The following CCDC126 variants were observed in gnomAD, a reference collection of about 807,000 sequenced individuals.
The protein encoded by CCDC126 is coiled-coil domain-containing protein 126.
In CCDC126, 5 loss-of-function variants were observed where a neutral mutation model predicts 11.7. The observed-to-expected ratio is 0.43, with a 90% CI of 0.22 to 0.90. The LOEUF is 0.90. CCDC126 is among the 40% of genes least tolerant of loss of function. CCDC126 has a pLI of 0.27. For synonymous variants in CCDC126, 60 were observed against 61.9 expected (o/e 0.97, Z 0.14); for missense variants, 150 against 163.1 (o/e 0.92, Z 0.44).
chr7:23,609,461 A>G (rs1332511279), intron 2 of CCDC126, among the ~76,000 whole-genome samples: 1 of 152,142 alleles, frequency 6.6e-6, no homozygotes, highest in Non-Finnish European at 1.5e-5. Context: ...GTGAGCCACC[A>G]TGCCTGGACA....
chr7:23,620,856 T>G lies in CCDC126; in HGVS notation c.238+9303T>G, dbSNP rs541198912. ...AGGGAATCCTTTCCCCATTGCTTGT[T>G]TTTGTCAGGTTTGTCAAAGATCAGG... On this transcript the variant is annotated intron_variant, in intron 3 of 3. Coordinates refer to ENST00000307471, the MANE Select transcript of CCDC126 (RefSeq NM_138771.4). 4.3e-3 allele frequency among the ~76,000 whole-genome samples: 652 copies of G among 152,368 alleles called. 7 individuals carry two copies. Among genetic ancestry groups the G allele is most frequent in the African/African-American group, 0.014 (572 of 41,584 alleles).
At position 23,611,004 on chromosome 7, in the gene CCDC126, C is replaced by T. The variant is rs747849781; in HGVS notation, c.-145-167C>T. Among the ~76,000 whole-genome samples the T allele has an allele frequency of 8.5e-5, 13 of 152,136 alleles. No homozygotes were observed. The East Asian group carries it at 2.1e-3, about 25-fold the overall frequency. ...TTCTAGTTTAAACTTTGAAAAGATA[C>T]GTAAGTGAGACTGATAAAAGACTAG... On this transcript the variant is annotated intron_variant, in intron 2 of 3. Coordinates refer to ENST00000307471, the MANE Select transcript of CCDC126 (RefSeq NM_138771.4).
intron 3 of CCDC126, among the ~76,000 whole-genome samples, chr7:23,625,823 T>A (rs1457590165): frequency 3.3e-5 from 5 of 151,064 alleles, no homozygotes; most frequent in Non-Finnish European, 7.4e-5. Flanking sequence ...GCCCAGCTAA[T>A]TTTTTTTGTA....
Position 23,644,301 on chromosome 7 carries a change from A to G in CCDC126, c.*1186A>G, listed in dbSNP as rs1584225223. 6.6e-6 allele frequency: 1 copy of G among 152,526 alleles called. No homozygotes were observed. Among genetic ancestry groups the G allele is most frequent in the East Asian group, 1.9e-4 (1 of 5,202 alleles). 9.4% of individuals were successfully genotyped at this position (152,526 alleles called of 1,614,324 possible). A position where few individuals can be genotyped will look rare whatever the true frequency, so the allele number is the denominator to read the frequency against. On this transcript the variant is annotated 3_prime_UTR_variant, in exon 4 of 4. Transcript: ENST00000307471. Reference sequence around the variant, plus strand: ...TCTTGGGTAATTCTAGTATAAAACAAATTATACTTTTATTTAAATTTCCCT... The same window carrying G: ...TCTTGGGTAATTCTAGTATAAAACAGATTATACTTTTATTTAAATTTCCCT...
intron 3 of CCDC126, among the ~76,000 whole-genome samples, chr7:23,642,100 C>T (rs898920286): frequency 1.3e-5 from 2 of 152,174 alleles, no homozygotes; most frequent in African/African-American, 4.8e-5. Context: ...CAAGCTCTGC[C>T]TCCCCGGTTC....
intron 3 of CCDC126, among the ~76,000 whole-genome samples, chr7:23,630,117 T>C (rs530669488): frequency 9.2e-5 from 14 of 152,380 alleles, no homozygotes; most frequent in African/African-American, 2.9e-4. Context: ...ATAAAAAGTT[T>C]ACATATTGAC....
chr7:23,599,848 G>A (rs1419443466), intron 2 of CCDC126, among the ~76,000 whole-genome samples: 3 of 152,142 alleles, frequency 2.0e-5, no homozygotes, highest in Non-Finnish European at 4.4e-5. Flanking sequence ...GCAGTGGTGC[G>A]ATCTCTGCAC....
intron 3 of CCDC126, among the ~76,000 whole-genome samples, chr7:23,631,349 G>A (rs1274735529): frequency 6.6e-6 from 1 of 152,164 alleles, no homozygotes; most frequent in African/African-American, 2.4e-5. Context: ...AAAGGATAAT[G>A]AACAGTGAAC....
intron 3 of CCDC126, among the ~76,000 whole-genome samples, chr7:23,614,727 A>G (rs1291261275): frequency 1.3e-5 from 2 of 152,216 alleles, no homozygotes; most frequent in African/African-American, 4.8e-5. Context: ...ATCTCCTTGT[A>G]CATCTTCAGA....
At chr7:23,614,312 T>A (rs1782762158) in intron 3 of CCDC126, among the ~76,000 whole-genome samples, 1 of 152,212 alleles carries the variant, frequency 6.6e-6, no homozygotes, top group African/African-American at 2.4e-5. Flanking sequence ...AAAAACTACT[T>A]TCTTTGCTCT....
Position 23,602,651 on chromosome 7 carries a change from G to A in CCDC126, c.-146+4600G>A, listed in dbSNP as rs112041770. Among the ~76,000 whole-genome samples the A allele has an allele frequency of 1.8e-4, 27 of 152,186 alleles. 2 individuals are homozygous for A. Among genetic ancestry groups the A allele is most frequent in the African/African-American group, 4.6e-4 (19 of 41,518 alleles). ...ATTTGTTGACTGCTCCCGAGATTCT[G>A]GTAAAAGAAGAATTCTAAAGGTTTT... On this transcript the variant is annotated intron_variant, in intron 2 of 3. Transcript: ENST00000307471.
chr7:23,619,531 T>G, intron 3 of CCDC126: 1 of 312,060 alleles, frequency 3.2e-6, no homozygotes, highest in Non-Finnish European at 6.4e-6. Flanking sequence ...GGGCCCACCT[T>G]ACTACATCCT....
chr7:23,634,969 C>G (rs1783183953), intron 3 of CCDC126, among the ~76,000 whole-genome samples: 1 of 152,110 alleles, frequency 6.6e-6, no homozygotes, highest in Non-Finnish European at 1.5e-5. Flanking sequence ...TTTTTATACC[C>G]AATATCTTTA....
Position 23,611,392 on chromosome 7 carries a change from G to T in CCDC126, c.77G>T (p.Gly26Val). The change falls in exon 3 of 4, where the codon GGA becomes GTA. Residue 26 changes from glycine (G) to valine (V), a missense_variant. By Grantham distance (109) the Gly-to-Val change is moderately radical. Transcript: ENST00000307471. ...LLLLVFGLIWGLMLLHYTFQQ... is the reference protein window; with the variant it reads ...LLLLVFGLIWVLMLLHYTFQQ... ...TTGCTTGTATTTGGACTCATTTGGG[G>T]ATTGATGTTACTGCACTATACTTTT... The T allele has an allele frequency of 6.2e-7, 1 of 1,613,924 alleles. No homozygotes were observed. Among genetic ancestry groups the T allele is most frequent in the South Asian group, 1.1e-5 (1 of 91,070 alleles).
intron 3 of CCDC126, among the ~76,000 whole-genome samples, chr7:23,638,863 C>CAAAAAAAAAAAA (rs61374394): frequency 1.0e-4 from 11 of 108,568 alleles, no homozygotes; most frequent in African/African-American, 1.7e-4. Context: ...AATAAATTAA[C>CAAAAAAAAAAAA]AAAAAAAAAA....
At chr7:23,622,042 CT>C in intron 3 of CCDC126, among the ~76,000 whole-genome samples, 1 of 152,146 alleles carries the variant, frequency 6.6e-6, no homozygotes, top group Non-Finnish European at 1.5e-5. Flanking sequence ...CTAAAATTCT[CT>C]TTTTTTGTTG....
intron 3 of CCDC126, among the ~76,000 whole-genome samples, chr7:23,627,271 T>G (rs1377180069): frequency 6.6e-6 from 1 of 151,916 alleles, no homozygotes; most frequent in East Asian, 1.9e-4. Flanking sequence ...ATCCCACCAC[T>G]CTGGGGGACT....
chr7:23,623,805 G>A (rs968292542), intron 3 of CCDC126, among the ~76,000 whole-genome samples: 1 of 152,028 alleles, frequency 6.6e-6, no homozygotes, highest in Admixed American at 6.6e-5. Context: ...ATTCCATATT[G>A]TATCCACAAT....
chr7:23,613,128 T>C (rs188998942), intron 3 of CCDC126, among the ~76,000 whole-genome samples: 219 of 152,230 alleles, frequency 1.4e-3, no homozygotes, highest in African/African-American at 5.1e-3. Context: ...CTGGGCAACA[T>C]AGTGAAACCA....
Sources: gnomAD v4.1 joint callset for allele counts (sites outside exome capture counted in the v4.1 genomes callset) on GRCh38, gnomAD v4.1.1 for gene constraint, MANE v1.5 for transcripts, NCBI Gene and HGNC (gene_info 2026-07-23, HGNC 2026-07-21) for gene names.